CEP128: variants seen among roughly 807,000 people sequenced by gnomAD.
CEP128 encodes the protein centrosomal protein 128kDa.
A neutral mutation model predicts 156.7 loss-of-function variants in CEP128; 132 were observed. The ratio of observed to expected loss-of-function variants is 0.84; its 90% CI spans 0.73 to 0.97. The LOEUF is 0.97. Ranked by LOEUF, CEP128 falls within the 50% of genes least tolerant of loss-of-function variation. The pLI is 0.00. For synonymous variants in CEP128, 469 were observed against 448.9 expected, an observed-to-expected ratio of 1.04 and a Z score of -0.57; for missense variants, 1,252 against 1,281.9, an observed-to-expected ratio of 0.98 and a Z score of 0.36.
intron 19 of CEP128, among the ~76,000 whole-genome samples, chr14:80,650,497 A>G (rs527755750): frequency 2.6e-5 from 4 of 152,150 alleles, no homozygotes; most frequent in South Asian, 2.1e-4. Context: ...TCTTGTGCCA[A>G]TTTTCAAAGG....
At chr14:80,942,058 G>A (rs185476631), upstream of CEP128, among the ~76,000 whole-genome samples, 6 of 151,990 alleles carry the variant, frequency 3.9e-5, no homozygotes, top group Non-Finnish European at 7.4e-5. Context: ...CTCCTTGGGG[G>A]ACAAAAGGAG....
intron 21 of CEP128, among the ~76,000 whole-genome samples, chr14:80,553,227 C>T (rs992189789): frequency 5.9e-5 from 9 of 152,122 alleles, no homozygotes; most frequent in Admixed American, 2.6e-4. Context: ...AGATATTTGT[C>T]CTAATGCTCT....
At chr14:80,567,885 A>G (rs1015449784) in intron 20 of CEP128, among the ~76,000 whole-genome samples, 1 of 152,082 alleles carries the variant, frequency 6.6e-6, no homozygotes, top group Non-Finnish European at 1.5e-5. Context: ...ATTGAGGAGT[A>G]CCAGGAGAAG....
At chr14:80,487,090 A>T (rs1026518396), downstream of CEP128, among the ~76,000 whole-genome samples, 1 of 152,168 alleles carries the variant, frequency 6.6e-6, no homozygotes, top group Non-Finnish European at 1.5e-5. Flanking sequence ...CAAACTGGAT[A>T]AAGAGTCAAA....
chr14:80,932,256 T>C (rs1885510398), intron 2 of CEP128, among the ~76,000 whole-genome samples: 2 of 152,236 alleles, frequency 1.3e-5, no homozygotes, highest in Admixed American at 6.5e-5. Flanking sequence ...TATTTCTTCA[T>C]AGCAGCATGA....
chr14:80,793,234 C>T lies in CEP128; in HGVS notation c.1210-124G>A. On this transcript the variant is annotated intron_variant, in intron 13 of 24. Coordinates refer to ENST00000555265, the MANE Select transcript of CEP128 (RefSeq NM_152446.5). ...AATCATCTGTATTAAAATTCATTAG[C>T]AATCAATTTAGAAATCATGAGTCTT... The T allele has an allele frequency of 4.4e-6, 3 of 687,450 alleles. No individual in the cohort carries two copies. The South Asian group carries it at 6.5e-5, about 15-fold the overall frequency. 42.6% of individuals were successfully genotyped at this position (687,450 alleles called of 1,614,324 possible).
At chr14:80,611,109 T>C (rs187821579) in intron 19 of CEP128, among the ~76,000 whole-genome samples, 18 of 152,206 alleles carry the variant, frequency 1.2e-4, no homozygotes, top group African/African-American at 4.3e-4. Context: ...TAAAGTATCA[T>C]TTTAGTTTTA....
At chr14:80,787,966 T>G (rs1901499919) in intron 14 of CEP128, among the ~76,000 whole-genome samples, 1 of 152,172 alleles carries the variant, frequency 6.6e-6, no homozygotes, top group South Asian at 2.1e-4. Flanking sequence ...TTGCTGTCTT[T>G]GCAGTGTTCC....
chr14:80,716,575 A>C lies in CEP128; in HGVS notation c.2806+26500T>G, dbSNP rs113769329. On this transcript the variant is annotated intron_variant, in intron 19 of 24. Coordinates refer to ENST00000555265, the MANE Select transcript of CEP128 (RefSeq NM_152446.5). ...GTGCATCCATGTAGTAAAATTTATT[A>C]ATACTGCATTTCTTAGTGCTAAATA... Among the ~76,000 whole-genome samples the C allele has an allele frequency of 4.9e-3, 743 of 152,338 alleles. 11 individuals carry two copies. Among genetic ancestry groups the C allele is most frequent in the African/African-American group, 0.017 (723 of 41,582 alleles).
At chr14:80,544,852 T>C (rs748877232) in intron 21 of CEP128, among the ~76,000 whole-genome samples, 1 of 152,208 alleles carries the variant, frequency 6.6e-6, no homozygotes, top group Non-Finnish European at 1.5e-5. Context: ...ATCTATTATG[T>C]ATCTGCAAGA....
intron 9 of CEP128, among the ~76,000 whole-genome samples, chr14:80,847,612 T>C (rs1375206600): frequency 6.6e-6 from 1 of 152,192 alleles, no homozygotes; most frequent in Non-Finnish European, 1.5e-5. Context: ...CAGAATCACA[T>C]TCATGAAGAA....
intron 20 of CEP128, among the ~76,000 whole-genome samples, chr14:80,575,781 T>C (rs1891328947): frequency 1.3e-5 from 2 of 152,178 alleles, no homozygotes; most frequent in Non-Finnish European, 2.9e-5. Flanking sequence ...AATATCTATA[T>C]ATTGTGCTGA....
intron 19 of CEP128, among the ~76,000 whole-genome samples, chr14:80,615,456 C>T (rs889911461): frequency 6.6e-6 from 1 of 152,154 alleles, no homozygotes; most frequent in Non-Finnish European, 1.5e-5. Flanking sequence ...TAGCAGTGAA[C>T]ATGCGAAAAG....
intron 8 of CEP128, among the ~76,000 whole-genome samples, chr14:80,874,457 CTG>C (rs1888179941): frequency 6.7e-6 from 1 of 149,872 alleles, no homozygotes; most frequent in African/African-American, 2.5e-5. Flanking sequence ...GAGTGAGACT[CTG>C]TCTCTGTCTC....
At chr14:80,682,128 G>A (rs888009485) in intron 19 of CEP128, among the ~76,000 whole-genome samples, 19 of 151,860 alleles carry the variant, frequency 1.3e-4, no homozygotes, top group African/African-American at 4.4e-4. Flanking sequence ...AATAAAAAAG[G>A]AAAAAAGAAA....
chr14:80,632,259 A>G (rs11844906), intron 19 of CEP128, among the ~76,000 whole-genome samples: 19,647 of 151,630 alleles, frequency 0.13, 1,545 homozygotes, highest in East Asian at 0.35. Flanking sequence ...GTCTTTTAGT[A>G]TTGTATACAT....
chr14:80,760,212 CT>C (rs1298344169), intron 17 of CEP128, among the ~76,000 whole-genome samples: 3 of 151,544 alleles, frequency 2.0e-5, no homozygotes, highest in South Asian at 2.1e-4. Flanking sequence ...AGTTTTCCCC[CT>C]AAAGCCAATT....
intron 13 of CEP128, among the ~76,000 whole-genome samples, chr14:80,829,681 A>G (rs758589294): frequency 6.6e-6 from 1 of 152,214 alleles, no homozygotes; most frequent in African/African-American, 2.4e-5. Flanking sequence ...CAGGCAGTCA[A>G]TAATATTTGC....
intron 19 of CEP128, among the ~76,000 whole-genome samples, chr14:80,695,158 G>C (rs923824395): frequency 1.9e-4 from 29 of 150,162 alleles, no homozygotes; most frequent in Non-Finnish European, 3.5e-4. Flanking sequence ...CTATGAAAAA[G>C]AAGTTGCCCA....
Sources: allele counts gnomAD v4.1 joint callset (sites outside exome capture counted in the v4.1 genomes callset), GRCh38; gene constraint gnomAD v4.1.1; transcripts MANE v1.5; gene names NCBI Gene and HGNC (gene_info 2026-07-23, HGNC 2026-07-21).